PRKCZ: variants seen among roughly 807,000 people sequenced by gnomAD.
PRKCZ encodes protein kinase C zeta type.
PRKCZ carries 33 observed loss-of-function variants against 79.5 expected under a neutral mutation model. The observed-to-expected ratio is 0.41, with a 90% CI of 0.31 to 0.55. PRKCZ has a LOEUF of 0.55. Among genes scored for constraint, PRKCZ ranks in the 20% least tolerant of loss-of-function variants. The probability of loss-of-function intolerance (pLI) is 0.19; values close to 1 mark genes in which losing one functional copy is unlikely to be tolerated. For synonymous variants in PRKCZ, 342 were observed against 320.9 expected, an observed-to-expected ratio of 1.07 and a Z score of -0.70; for missense variants, 578 against 813.5, an observed-to-expected ratio of 0.71 and a Z score of 3.52.
chr1:2,184,818 T>G lies in PRKCZ; in HGVS notation c.1692-104T>G, dbSNP rs1308971413. The G allele has an allele frequency of 3.6e-6, 5 of 1,377,046 alleles. No individual in the cohort carries two copies. The East Asian group carries it at 1.2e-4, about 34-fold the overall frequency. 85.3% of individuals were successfully genotyped at this position (1,377,046 alleles called of 1,614,324 possible). A position where few individuals can be genotyped will look rare whatever the true frequency, so the allele number is the denominator to read the frequency against. ...AGTCCCACCCGCCTGGTGTCATCTC[T>G]CCAGTGGGCGTTGGGGGAGGATTCT... On this transcript the variant is annotated intron_variant, in intron 17 of 17. Coordinates refer to ENST00000378567, the MANE Select transcript of PRKCZ (RefSeq NM_002744.6).
intron 4 of PRKCZ, among the ~76,000 whole-genome samples, chr1:2,123,993 T>C (rs1344264908): frequency 1.4e-4 from 1 of 6,900 alleles, no homozygotes; most frequent in Non-Finnish European, 2.3e-4. Flanking sequence ...GTTAGGGTCG[T>C]GGTGGTTAGG....
chr1:2,060,610 C>T (rs1009412812), intron 4 of PRKCZ, among the ~76,000 whole-genome samples: 3 of 152,196 alleles, frequency 2.0e-5, no homozygotes, highest in Admixed American at 6.5e-5. Context: ...GAGAGGGCGG[C>T]GTGGCATCCC....
At chr1:2,056,248 G>C (rs558814812) in intron 2 of PRKCZ, among the ~76,000 whole-genome samples, 1 of 152,336 alleles carries the variant, frequency 6.6e-6, no homozygotes, top group South Asian at 2.1e-4. Flanking sequence ...GGTGCCCAGG[G>C]CTGCAGGTGT....
chr1:2,072,995 G>T (rs1196022894), intron 4 of PRKCZ, among the ~76,000 whole-genome samples: 1 of 152,244 alleles, frequency 6.6e-6, no homozygotes, highest in East Asian at 1.9e-4. Context: ...GGTCTCACTT[G>T]CCAGTGATGA....
chr1:2,094,504 C>G lies in PRKCZ; in HGVS notation c.334+34913C>G, dbSNP rs530286567. Among the ~76,000 whole-genome samples, 1 of 143,076 alleles carries G rather than the reference C, an allele frequency of 7.0e-6. No homozygotes were observed. The highest frequency in any genetic ancestry group is 1.5e-5 in the Non-Finnish European group (1 of 66,040). The allele number at this position is 143,076 out of a possible 152,430, so 93.9% of individuals were successfully genotyped here. A position where few individuals can be genotyped will look rare whatever the true frequency, so the allele number is the denominator to read the frequency against. ...CCCGTTCTGAGGCGCCCTCTGTGCC[C>G]GGCTCGTTGAACCTTGGGCGCTGCC... On this transcript the variant is annotated intron_variant, in intron 4 of 17. Coordinates refer to ENST00000378567, the MANE Select transcript of PRKCZ (RefSeq NM_002744.6). This position sits in a 1 kb window ranked among gnomAD's most constrained non-coding sequence, Gnocchi z 7.3.
Position 2,178,003 on chromosome 1 carries a change from T to C in PRKCZ, c.1575+2690T>C, listed in dbSNP as rs772473686. On this transcript the variant is annotated intron_variant, in intron 16 of 17. Coordinates refer to ENST00000378567, the MANE Select transcript of PRKCZ (RefSeq NM_002744.6). This position sits in a 1 kb window ranked among gnomAD's most constrained non-coding sequence, Gnocchi z 4.3. ...GCTTTTAGGAAGAAGTGTGGCTGTTTTGGCCAGATTGCTTTAGCTGTCCTC... is the reference window on the plus strand; with the variant it reads ...GCTTTTAGGAAGAAGTGTGGCTGTTCTGGCCAGATTGCTTTAGCTGTCCTC... Among the ~76,000 whole-genome samples the C allele has an allele frequency of 6.6e-6, 1 of 152,236 alleles. No homozygotes were observed.
intron 4 of PRKCZ, among the ~76,000 whole-genome samples, chr1:2,070,851 C>T (rs898619973): frequency 3.3e-5 from 5 of 151,974 alleles, no homozygotes; most frequent in Admixed American, 6.5e-5. Context: ...CTTGAGGCTC[C>T]GGGGCCTTCT....
At chr1:2,060,850 CGGTG>C (rs1249485355) in intron 4 of PRKCZ, among the ~76,000 whole-genome samples, 1 of 152,168 alleles carries the variant, frequency 6.6e-6, no homozygotes, top group Non-Finnish European at 1.5e-5. Context: ...GGTGGCCAGA[CGGTG>C]GGCGTCAGGG....
chr1:2,063,591 G>A (rs1359822885), intron 4 of PRKCZ, among the ~76,000 whole-genome samples: 2 of 152,200 alleles, frequency 1.3e-5, no homozygotes, highest in African/African-American at 2.4e-5. Flanking sequence ...GGGATTACAG[G>A]CGTGAGCCAC....
chr1:2,148,783 G>A, intron 7 of PRKCZ, 89 bp from the exon 8 acceptor site: 2 of 1,340,726 alleles, frequency 1.5e-6, no homozygotes, highest in Non-Finnish European at 2.1e-6. Context: ...CCGTCACCCT[G>A]CAGAGGAGCA....
Position 2,172,223 on chromosome 1 carries a change from C to T in PRKCZ, c.1197+33C>T, listed in dbSNP as rs766141935. Reference sequence around the variant, plus strand: ...CCTTGGACCGCCTCCCCTGACCATCCCGCATGTGCGTCTCGGGGCGCCTGT... The same window carrying T: ...CCTTGGACCGCCTCCCCTGACCATCTCGCATGTGCGTCTCGGGGCGCCTGT... On this transcript the variant is annotated intron_variant, in intron 12 of 17. Coordinates refer to ENST00000378567, the MANE Select transcript of PRKCZ (RefSeq NM_002744.6). The surrounding 1 kb of genome is among the most constrained non-coding windows in gnomAD (Gnocchi z 7.8). 6 of 1,613,372 alleles carry T rather than the reference C, an allele frequency of 3.7e-6. No homozygotes were observed. The Admixed American group carries it at 5.0e-5, about 13-fold the overall frequency.
chr1:2,133,534 C>A (rs984156806), intron 4 of PRKCZ: 4 of 150,062 alleles, frequency 2.7e-5, no homozygotes, highest in Non-Finnish European at 5.9e-5. Context: ...GTTCCACCCC[C>A]CCCAGCTGTG....
In PRKCZ at chr1:2,172,980, CGGG is replaced by C. The variant is rs747841858; in HGVS notation, c.1285+594_1285+596del. Among the ~76,000 whole-genome samples the C allele has an allele frequency of 2.5e-4, 38 of 151,566 alleles. No individual in the cohort carries two copies. Among genetic ancestry groups the C allele is most frequent in the African/African-American group, 9.7e-5 (4 of 41,148 alleles). The stretch of plus-strand genomic sequence containing the variant: ...TGCAGCCGTGTGTGCGTGTGTGAAA[CGGG>C]GACGTGGGCACGCGTGTGCAGCCCT... On this transcript the variant is annotated intron_variant, in intron 13 of 17. Coordinates refer to ENST00000378567, the MANE Select transcript of PRKCZ (RefSeq NM_002744.6). This position sits in a 1 kb window ranked among gnomAD's most constrained non-coding sequence, Gnocchi z 7.8.
chr1:2,121,802 G>A (rs61775454), intron 4 of PRKCZ, among the ~76,000 whole-genome samples: 4 of 23,292 alleles, frequency 1.7e-4, no homozygotes, highest in African/African-American at 1.1e-3. Flanking sequence ...TCACGGCGGT[G>A]GTTAGGGTCA....
intron 10 of PRKCZ, among the ~76,000 whole-genome samples, chr1:2,161,208 GC>G (rs1682225177): frequency 6.6e-6 from 1 of 152,242 alleles, no homozygotes; most frequent in Non-Finnish European, 1.5e-5. Context: ...CGGCTCAGCG[GC>G]CCCCTGATTT....
intron 4 of PRKCZ, among the ~76,000 whole-genome samples, chr1:2,114,186 G>T (rs1670296872): frequency 6.6e-6 from 1 of 151,114 alleles, no homozygotes; most frequent in Non-Finnish European, 1.5e-5. Context: ...CGTGGCCTGG[G>T]AGGACGTGGA....
chr1:2,093,129 G>T (rs1209076646), intron 4 of PRKCZ, among the ~76,000 whole-genome samples: 4 of 151,674 alleles, frequency 2.6e-5, no homozygotes, highest in African/African-American at 9.8e-5. Flanking sequence ...GGACAGAGCT[G>T]CAGCTTTAGC....
At chr1:2,066,350 CTCTT>C (rs1329092372) in intron 4 of PRKCZ, among the ~76,000 whole-genome samples, 1 of 150,866 alleles carries the variant, frequency 6.6e-6, no homozygotes, top group Non-Finnish European at 1.5e-5. Context: ...TTGGGAGGTT[CTCTT>C]TCTTTCTCTC....
At chr1:2,078,324 A>G (rs1275746184) in intron 4 of PRKCZ, among the ~76,000 whole-genome samples, 3 of 152,218 alleles carry the variant, frequency 2.0e-5, no homozygotes, top group African/African-American at 7.2e-5. Context: ...CCAGCCACAC[A>G]CTTAAGGATA....
Sources: gnomAD v4.1 joint callset for allele counts (sites outside exome capture counted in the v4.1 genomes callset) on GRCh38, gnomAD v4.1.1 for gene constraint, Gnocchi (gnomAD v3.1) non-coding constraint, MANE v1.5 for transcripts, NCBI Gene and HGNC (gene_info 2026-07-23, HGNC 2026-07-21) for gene names.